Variants in CADM2 observed in about 807,000 individuals in gnomAD.
The protein encoded by CADM2 is immunoglobulin superfamily member 4D.
In CADM2, 12 loss-of-function variants were observed where a neutral mutation model predicts 49.8. The ratio of observed to expected loss-of-function variants is 0.24; its 90% CI spans 0.15 to 0.39. The LOEUF (loss-of-function observed/expected upper bound fraction) is 0.39, where lower values mean the gene tolerates loss of function less well. Among genes scored for constraint, CADM2 ranks in the 10% least tolerant of loss-of-function variants. The probability of loss-of-function intolerance (pLI) is 1.00; values close to 1 mark genes in which losing one functional copy is unlikely to be tolerated. For synonymous variants in CADM2, 214 were observed against 175.4 expected (o/e 1.22, Z -1.74); for missense variants, 378 against 492.3 (o/e 0.77, Z 2.20).
intron 1 of CADM2, among the ~76,000 whole-genome samples, chr3:85,592,924 A>G (rs1374637429): frequency 6.6e-6 from 1 of 151,828 alleles, no homozygotes; most frequent in Non-Finnish European, 1.5e-5. Context: ...CTCATTGTTC[A>G]ATTCCCACTT....
intron 1 of CADM2, among the ~76,000 whole-genome samples, chr3:85,319,442 G>A (rs72903211): frequency 0.073 from 11,101 of 152,118 alleles, 743 homozygotes; most frequent in African/African-American, 0.18. Context: ...TCCATTACTC[G>A]GTGCATACCC....
intron 1 of CADM2, among the ~76,000 whole-genome samples, chr3:85,726,208 G>T (rs537418921): frequency 1.1e-4 from 17 of 151,886 alleles, no homozygotes; most frequent in Non-Finnish European, 2.2e-4. Flanking sequence ...AATTTTAATT[G>T]ATTATTAAAT....
At chr3:85,211,480 CTG>C (rs1373570401) in intron 1 of CADM2, among the ~76,000 whole-genome samples, 1 of 151,948 alleles carries the variant, frequency 6.6e-6, no homozygotes, top group African/African-American at 2.4e-5. Flanking sequence ...GTTTAGTATG[CTG>C]TGTTTCAATT....
At chr3:85,772,568 G>C (rs2107958925) in intron 2 of CADM2, among the ~76,000 whole-genome samples, 1 of 152,140 alleles carries the variant, frequency 6.6e-6, no homozygotes, top group Non-Finnish European at 1.5e-5. Context: ...AAAAAGTATA[G>C]AGTTGATTAT....
chr3:85,054,335 G>A (rs551842765), intron 1 of CADM2, among the ~76,000 whole-genome samples: 2 of 151,840 alleles, frequency 1.3e-5, no homozygotes, highest in East Asian at 3.9e-4. Flanking sequence ...AAAATGGAAA[G>A]GAGGAAAAAT....
chr3:85,669,371 A>T (rs546408052), intron 1 of CADM2, among the ~76,000 whole-genome samples: 2 of 152,276 alleles, frequency 1.3e-5, no homozygotes, highest in African/African-American at 4.8e-5. Flanking sequence ...TGATGAAAAG[A>T]GGAGAAAAAG....
intron 8 of CADM2, among the ~76,000 whole-genome samples, chr3:86,063,961 A>C (rs1739006689): frequency 6.6e-6 from 1 of 152,146 alleles, no homozygotes; most frequent in South Asian, 2.1e-4. Context: ...ACTCAGTTTT[A>C]TCCTTCTATA....
rs531445574 is a variant in CADM2 at position 85,558,869 on chromosome 3, A to T, written c.62-167653A>T. ...GGAGAGAAGTGGTCTTTAAATTTTA[A>T]TTTTATCAAAATAAACCAGATCTCT... On this transcript the variant is annotated intron_variant, in intron 1 of 9. Transcript: ENST00000383699. Among the ~76,000 whole-genome samples the T allele has an allele frequency of 4.6e-5, 7 of 152,182 alleles. No homozygotes were observed. In the South Asian group the frequency reaches 1.4e-3, roughly 32 times the overall value.
intron 8 of CADM2, among the ~76,000 whole-genome samples, chr3:86,036,214 G>C (rs758540117): frequency 2.6e-5 from 4 of 152,072 alleles, no homozygotes; most frequent in African/African-American, 9.7e-5. Flanking sequence ...GAACTTATTT[G>C]TCACACATTC....
At chr3:85,774,391 A>C (rs917613201) in intron 2 of CADM2, among the ~76,000 whole-genome samples, 1 of 151,848 alleles carries the variant, frequency 6.6e-6, no homozygotes, top group African/African-American at 2.4e-5. Context: ...AATTTTCAGC[A>C]GTTTAAAGAG....
intron 1 of CADM2, among the ~76,000 whole-genome samples, chr3:85,666,842 C>T (rs763690759): frequency 2.6e-5 from 4 of 151,804 alleles, no homozygotes; most frequent in Admixed American, 6.6e-5. Context: ...TTCTCAAATG[C>T]CAGGGTATTT....
intron 1 of CADM2, among the ~76,000 whole-genome samples, chr3:85,623,857 AT>A (rs1260107841): frequency 6.6e-6 from 1 of 152,082 alleles, no homozygotes; most frequent in Non-Finnish European, 1.5e-5. Context: ...TTGTAGAATC[AT>A]TTTTTATTCC....
intron 1 of CADM2, among the ~76,000 whole-genome samples, chr3:85,195,840 T>C (rs1431675985): frequency 1.3e-5 from 2 of 152,202 alleles, no homozygotes; most frequent in Admixed American, 1.3e-4. Context: ...TATTAATTGA[T>C]AAAATGCAAT....
chr3:85,682,755 G>A (rs2066075202), intron 1 of CADM2, among the ~76,000 whole-genome samples: 1 of 152,018 alleles, frequency 6.6e-6, no homozygotes, highest in African/African-American at 2.4e-5. Flanking sequence ...AACATTCTGT[G>A]TTGAATACAG....
Position 86,051,085 on chromosome 3 carries a change from A to T in CADM2, c.971-14520A>T, listed in dbSNP as rs191778226. On this transcript the variant is annotated intron_variant, in intron 8 of 9. Transcript: ENST00000383699. ...ACTTTCTTTTTTAAATATCAATTGC[A>T]GTTATTCATCATTTCTTGGCTTACA... Among the ~76,000 whole-genome samples the T allele has an allele frequency of 8.9e-4, 136 of 152,268 alleles. 1 individual carries two copies. Among genetic ancestry groups the T allele is most frequent in the African/African-American group, 3.1e-3 (129 of 41,564 alleles).
At chr3:85,263,823 A>G (rs1289998939) in intron 1 of CADM2, among the ~76,000 whole-genome samples, 1 of 152,088 alleles carries the variant, frequency 6.6e-6, no homozygotes, top group Non-Finnish European at 1.5e-5. Flanking sequence ...CTGAGATTTC[A>G]AAAAAATCAA....
In CADM2 at chr3:85,696,921, C is replaced by T. The variant is rs1042254387; in HGVS notation, c.62-29601C>T. Among the ~76,000 whole-genome samples the T allele has an allele frequency of 9.2e-5, 14 of 151,600 alleles. No homozygotes were observed. In the Middle Eastern group the frequency reaches 0.01, roughly 112 times the overall value. ...TAAAAACTAAGAAAATAGATTTTAC[C>T]TTATAGTGTTTCATCTTTAGAAAAT... On this transcript the variant is annotated intron_variant, in intron 1 of 9. Transcript: ENST00000383699.
chr3:85,610,717 G>A (rs1030647230), intron 1 of CADM2, among the ~76,000 whole-genome samples: 5 of 151,942 alleles, frequency 3.3e-5, no homozygotes, highest in African/African-American at 1.2e-4. Flanking sequence ...TGCAATAAAT[G>A]TGTTAAGTAC....
At chr3:84,987,611 A>G (rs1006277486) in intron 1 of CADM2, among the ~76,000 whole-genome samples, 2 of 152,104 alleles carry the variant, frequency 1.3e-5, no homozygotes, top group South Asian at 4.1e-4. Flanking sequence ...TTCAAATTTG[A>G]TAGGCCTTCA....
Sources: allele counts gnomAD v4.1 joint callset (sites outside exome capture counted in the v4.1 genomes callset), GRCh38; gene constraint gnomAD v4.1.1; transcripts MANE v1.5; gene names NCBI Gene and HGNC (gene_info 2026-07-23, HGNC 2026-07-21).